DNTT: variants seen among roughly 807,000 people sequenced by gnomAD.
The protein encoded by DNTT is nucleosidetriphosphate:DNA deoxynucleotidylexotransferase.
DNTT carries 47 observed loss-of-function variants against 60.9 expected under a neutral mutation model. The observed-to-expected ratio is 0.77, with a 90% CI of 0.61 to 0.98. The LOEUF (loss-of-function observed/expected upper bound fraction) is 0.98. Among genes scored for constraint, DNTT ranks in the 50% least tolerant of loss-of-function variants. The pLI is 0.00. For synonymous variants in DNTT, 224 were observed against 221.2 expected (o/e 1.01, Z -0.11); for missense variants, 665 against 627.5 (o/e 1.06, Z -0.64).
At chr10:96,322,205 C>T (rs1844888921) in intron 4 of DNTT, among the ~76,000 whole-genome samples, 1 of 152,152 alleles carries the variant, frequency 6.6e-6, no homozygotes, top group Non-Finnish European at 1.5e-5. Context: ...GGACAATTAT[C>T]CCAACTCTAC....
chr10:96,327,359 G>C (rs1189308229), intron 6 of DNTT, 109 bp from the exon 7 acceptor site: 3 of 1,501,118 alleles, frequency 2.0e-6, no homozygotes, highest in Non-Finnish European at 2.8e-6. Context: ...TGGTGTTGAT[G>C]CCTGTAGTCA....
rs1393201190 is a variant in DNTT at position 96,338,138 on chromosome 10, A to G, written c.1444A>G (p.Arg482Gly). 1.9e-6 allele frequency: 3 copies of G among 1,611,984 alleles called. No individual in the cohort carries two copies. Among genetic ancestry groups the G allele is most frequent in the Admixed American group, 1.7e-5 (1 of 59,582 alleles). The change falls in exon 11 of 11, where the codon AGG becomes GGG. Residue 482 changes from arginine (R) to glycine (G), a missense_variant and splice_region_variant. Coordinates refer to ENST00000371174, the MANE Select transcript of DNTT (RefSeq NM_004088.4). ...DNHALYDKTK[R>G]IFLKAESEEE... ...CACATATTTCTTGTTATGTTTTCAG[A>G]GGATATTCCTCAAAGCAGAAAGTGA...
At chr10:96,306,032 T>C (rs984629202) in intron 1 of DNTT, among the ~76,000 whole-genome samples, 16 of 151,674 alleles carry the variant, frequency 1.1e-4, no homozygotes, top group African/African-American at 3.9e-4. Flanking sequence ...CAGACTTACA[T>C]AGAAGGCTAG....
At chr10:96,326,339 A>T (rs1229376299) in intron 6 of DNTT, among the ~76,000 whole-genome samples, 2 of 152,054 alleles carry the variant, frequency 1.3e-5, no homozygotes, top group Non-Finnish European at 1.5e-5. Flanking sequence ...ATAAAAAATA[A>T]GTATCATATT....
At chr10:96,328,699 C>G (rs1257144746) in intron 7 of DNTT, 26 bp from the exon 8 acceptor site, 1 of 1,600,512 alleles carries the variant, frequency 6.2e-7, no homozygotes, top group African/African-American at 1.3e-5. Flanking sequence ...AATTGATTTC[C>G]ATTTTATACT....
intron 2 of DNTT, 137 bp downstream of exon 2, chr10:96,318,663 C>T (rs1393425219): frequency 2.0e-6 from 2 of 1,000,634 alleles, no homozygotes; most frequent in Non-Finnish European, 2.9e-6. Context: ...CTTAGCTTTA[C>T]TGAGCTTCAG....
intron 9 of DNTT, among the ~76,000 whole-genome samples, 183 bp from the exon 10 acceptor site, chr10:96,335,708 G>A (rs1240484631): frequency 2.0e-5 from 3 of 152,214 alleles, no homozygotes; most frequent in Non-Finnish European, 4.4e-5. Flanking sequence ...CTCTCACAGA[G>A]CTTACATTCT....
At chr10:96,323,568 G>A (rs531127593) in intron 5 of DNTT, among the ~76,000 whole-genome samples, 8 of 147,552 alleles carry the variant, frequency 5.4e-5, no homozygotes, top group African/African-American at 2.2e-4. Context: ...TGGGACATGA[G>A]GACCATGGGG....
intron 6 of DNTT, among the ~76,000 whole-genome samples, chr10:96,324,623 T>A (rs1327211034): frequency 6.6e-6 from 1 of 152,222 alleles, no homozygotes; most frequent in Non-Finnish European, 1.5e-5. Context: ...ATAACATTGA[T>A]ACTTAGCTGA....
rs540843358 is a variant in DNTT, at chr10:96,331,805, T to C, written c.1114-546T>C. 2.6e-5 allele frequency among the ~76,000 whole-genome samples: 4 copies of C among 152,230 alleles called. No homozygotes were observed. The East Asian group carries it at 7.7e-4, about 29-fold the overall frequency. ...TTATTTATTTATTTCTGAGACAGGG[T>C]CTTGCTCTGTCTCCCAGGCTAGTGT... On this transcript the variant is annotated intron_variant, in intron 8 of 10. Coordinates refer to ENST00000371174, the MANE Select transcript of DNTT (RefSeq NM_004088.4).
At chr10:96,330,987 T>G (rs1184848116) in intron 8 of DNTT, among the ~76,000 whole-genome samples, 1 of 152,180 alleles carries the variant, frequency 6.6e-6, no homozygotes, top group Non-Finnish European at 1.5e-5. Flanking sequence ...ATTTAGTGGT[T>G]GCTAGCATGT....
intron 5 of DNTT, among the ~76,000 whole-genome samples, chr10:96,324,012 C>A (rs995933069): frequency 2.0e-5 from 3 of 152,156 alleles, no homozygotes; most frequent in Non-Finnish European, 4.4e-5. Context: ...TATACCTTAG[C>A]CCTGCACAGG....
intron 8 of DNTT, among the ~76,000 whole-genome samples, chr10:96,331,172 C>T (rs1845002280): frequency 1.3e-5 from 2 of 152,200 alleles, no homozygotes; most frequent in Admixed American, 6.5e-5. Flanking sequence ...CTAACACTCT[C>T]ATGAGAAAGA....
At chr10:96,314,391 C>G (rs1462260682) in intron 1 of DNTT, among the ~76,000 whole-genome samples, 2 of 104,064 alleles carry the variant, frequency 1.9e-5, no homozygotes, top group African/African-American at 3.3e-5. Context: ...ATTTCCAAGG[C>G]TATCTCTTCC....
chr10:96,323,907 A>G (rs181429829), intron 5 of DNTT, among the ~76,000 whole-genome samples: 2 of 152,328 alleles, frequency 1.3e-5, no homozygotes, highest in East Asian at 3.9e-4. Flanking sequence ...GTACCTATGC[A>G]GAGCATGAGT....
chr10:96,312,703 G>A (rs995430683), intron 1 of DNTT, among the ~76,000 whole-genome samples: 3 of 152,140 alleles, frequency 2.0e-5, no homozygotes, highest in Non-Finnish European at 4.4e-5. Flanking sequence ...AGTAGATAAC[G>A]AAAACAGACT....
chr10:96,327,739 T>G, intron 7 of DNTT, 139 bp downstream of exon 7: 1 of 1,385,630 alleles, frequency 7.2e-7, no homozygotes, highest in East Asian at 2.3e-5. Context: ...GCCTCTCACA[T>G]TTCATTTCAG....
chr10:96,316,405 G>T (rs962952937), intron 1 of DNTT, among the ~76,000 whole-genome samples: 1 of 152,064 alleles, frequency 6.6e-6, no homozygotes, highest in Non-Finnish European at 1.5e-5. Flanking sequence ...CCAAATCACT[G>T]TATGTACCAG....
rs1337349497 is a variant in DNTT, at chr10:96,335,907, T to C, written c.1376T>C (p.Leu459Pro). Residue 459 changes from leucine (L) to proline (P), a missense_variant, in exon 10 of 11, where the codon CTC (leucine) becomes CCC (proline). Coordinates refer to ENST00000371174, the MANE Select transcript of DNTT (RefSeq NM_004088.4). ...CCTATCCAGCAGTTTGAGAGAGACCTCCGGCGCTATGCCACACATGAGCGG... is the reference window on the plus strand; with the variant it reads ...CCTATCCAGCAGTTTGAGAGAGACCCCCGGCGCTATGCCACACATGAGCGG... ...WTGSRQFERDLRRYATHERKM... is the reference protein window; with the variant it reads ...WTGSRQFERDPRRYATHERKM... 1 of 1,614,198 alleles carries C rather than the reference T, an allele frequency of 6.2e-7. No individual in the cohort carries two copies. Among genetic ancestry groups the C allele is most frequent in the South Asian group, 1.1e-5 (1 of 91,080 alleles).
Sources: allele counts gnomAD v4.1 joint callset (sites outside exome capture counted in the v4.1 genomes callset), GRCh38; gene constraint gnomAD v4.1.1; transcripts MANE v1.5; gene names NCBI Gene and HGNC (gene_info 2026-07-23, HGNC 2026-07-21).